The following CABLES1 variants were observed in gnomAD, a reference collection of about 807,000 sequenced individuals.
CABLES1 encodes Cdk5 and Abl enzyme substrate 1.
CABLES1 carries 36 observed loss-of-function variants against 57.8 expected under a neutral mutation model. The ratio of observed to expected loss-of-function variants is 0.62; its 90% CI spans 0.48 to 0.82. The LOEUF (loss-of-function observed/expected upper bound fraction) is 0.82, where lower values mean the gene tolerates loss of function less well. Ranked by LOEUF, CABLES1 falls within the 40% of genes least tolerant of loss-of-function variation. The pLI is 0.00. For missense variants in CABLES1, 767 were observed against 836.6 expected (o/e 0.92, Z 1.03); for synonymous variants, 374 against 363.0 (o/e 1.03, Z -0.35).
chr18:23,240,831 GATGCCT>G (rs746408422), intron 7 of CABLES1, among the ~76,000 whole-genome samples: 3 of 152,228 alleles, frequency 2.0e-5, no homozygotes, highest in Non-Finnish European at 4.4e-5. Flanking sequence ...CAGACTCTGA[GATGCCT>G]CTGCTGAATG....
intron 4 of CABLES1, among the ~76,000 whole-genome samples, chr18:23,222,227 C>T (rs1420021949): frequency 6.6e-6 from 1 of 152,196 alleles, no homozygotes; most frequent in Non-Finnish European, 1.5e-5. Context: ...ATCAGGCTCT[C>T]CTCACCTTTG....
intron 1 of CABLES1, among the ~76,000 whole-genome samples, chr18:23,139,976 T>C (rs1389148780): frequency 6.6e-6 from 1 of 152,214 alleles, no homozygotes; most frequent in African/African-American, 2.4e-5. Flanking sequence ...TTGCATCCCC[T>C]AGCTTTGCTA....
At chr18:23,252,636 T>C (rs183767554) in intron 7 of CABLES1, among the ~76,000 whole-genome samples, 1 of 152,286 alleles carries the variant, frequency 6.6e-6, no homozygotes, top group Admixed American at 6.5e-5. Context: ...CCCACGCGCT[T>C]AAGCCCCATA....
chr18:23,201,812 A>T (rs1465916622), intron 3 of CABLES1, among the ~76,000 whole-genome samples: 8 of 152,352 alleles, frequency 5.3e-5, no homozygotes, highest in East Asian at 3.9e-4. Context: ...ATAATGTGCC[A>T]TGGAGAGAGA....
At chr18:23,185,556 C>G (rs1300127832) in intron 1 of CABLES1, among the ~76,000 whole-genome samples, 1 of 152,092 alleles carries the variant, frequency 6.6e-6, no homozygotes, top group East Asian at 1.9e-4. Flanking sequence ...TCTGCCAGAG[C>G]CTGGGCAGCA....
At chr18:23,185,395 C>T (rs530221072) in intron 1 of CABLES1, among the ~76,000 whole-genome samples, 37 of 152,272 alleles carry the variant, frequency 2.4e-4, no homozygotes, top group Admixed American at 1.9e-3. Flanking sequence ...TCCTGGTGGC[C>T]GTCCCATGGA....
intron 7 of CABLES1, among the ~76,000 whole-genome samples, chr18:23,238,378 T>C (rs1598850093): frequency 6.6e-6 from 1 of 152,258 alleles, no homozygotes; most frequent in Non-Finnish European, 1.5e-5. Context: ...CATTTTCGTA[T>C]GCCACACGGC....
At chr18:23,230,995 G>A (rs1485440255) in intron 4 of CABLES1, among the ~76,000 whole-genome samples, 5 of 151,840 alleles carry the variant, frequency 3.3e-5, no homozygotes, top group Admixed American at 1.3e-4. Flanking sequence ...ATGGTGCAAG[G>A]CATGGGTCCC....
intron 3 of CABLES1, among the ~76,000 whole-genome samples, chr18:23,205,735 A>G (rs1319632764): frequency 4.6e-5 from 7 of 152,162 alleles, no homozygotes; most frequent in Non-Finnish European, 8.8e-5. Context: ...GCTCACATCT[A>G]TAGTCCCAGC....
At chr18:23,190,379 G>A (rs1448836924) in intron 2 of CABLES1, 2 of 152,212 alleles carry the variant, frequency 1.3e-5, no homozygotes, top group South Asian at 2.1e-4. Flanking sequence ...TTGGAACAAC[G>A]TGGCCACTGT....
At chr18:23,171,332 G>A (rs551204575) in intron 1 of CABLES1, among the ~76,000 whole-genome samples, 1 of 152,322 alleles carries the variant, frequency 6.6e-6, no homozygotes, top group Admixed American at 6.5e-5. Context: ...GGATTCCACG[G>A]TGCCTTGTAG....
intron 7 of CABLES1, among the ~76,000 whole-genome samples, chr18:23,240,368 A>G (rs940683040): frequency 2.6e-5 from 4 of 152,116 alleles, no homozygotes; most frequent in Non-Finnish European, 4.4e-5. Flanking sequence ...CTACACACAC[A>G]CAGGCAGGAG....
chr18:23,186,487 T>G (rs1012671183), intron 1 of CABLES1, among the ~76,000 whole-genome samples: 1 of 151,650 alleles, frequency 6.6e-6, no homozygotes, highest in Non-Finnish European at 1.5e-5. Flanking sequence ...GTGCAGTGGC[T>G]TGATCTCGGC....
intron 1 of CABLES1, among the ~76,000 whole-genome samples, chr18:23,184,308 C>CATGTGT (rs1384619411): frequency 5.9e-4 from 87 of 146,324 alleles, no homozygotes; most frequent in Middle Eastern, 3.3e-3. Context: ...CATACTGGCA[C>CATGTGT]GTGTGTGTGT....
rs372087098 is a variant in CABLES1 at position 23,253,834 on chromosome 18, A to T, written c.1659A>T (p.Lys553Asn). ...TTGAAAAGCTCGCCCTCAAGGGGAA[A>T]CTCAACAAACAGAACCGGAAGCTGT... ...VYFEKLALKG[K>N]LNKQNRKLCA... is the part of the protein sequence containing the mutation. The change falls in exon 9 of 10, where the codon AAA becomes AAT. Residue 553 changes from lysine (K) to asparagine (N), a missense_variant. By Grantham distance (94) the Lys-to-Asn change is moderately conservative. Coordinates refer to ENST00000256925, the MANE Select transcript of CABLES1 (RefSeq NM_001100619.3). 4 of 1,614,240 alleles carry T rather than the reference A, an allele frequency of 2.5e-6. No homozygotes were observed. In the Middle Eastern group the frequency reaches 4.9e-4, roughly 200 times the overall value.
intron 1 of CABLES1, among the ~76,000 whole-genome samples, chr18:23,170,791 TTTG>T (rs906743850): frequency 4.8e-4 from 73 of 152,238 alleles, no homozygotes; most frequent in African/African-American, 1.7e-3. Flanking sequence ...GGGTTGTTTT[TTTG>T]TTGTTTTTGT....
rs561870811 is a variant in CABLES1 at position 23,249,254 on chromosome 18, C to T, written c.1447-3706C>T. Among the ~76,000 whole-genome samples the T allele has an allele frequency of 4.1e-4, 62 of 152,338 alleles. 1 individual carries two copies. Among genetic ancestry groups the T allele is most frequent in the South Asian group, 2.3e-3 (11 of 4,832 alleles). ...GGAGTCAGGGAAGTGTAACTGTTAG[C>T]TTTCCAGCCTCCGTAGCACAACAGG... On this transcript the variant is annotated intron_variant, in intron 7 of 9. Transcript: ENST00000256925.
rs1471828071 is a variant in CABLES1, at chr18:23,259,138, A to G, written c.*1771A>G. 6.6e-6 allele frequency: 1 copy of G among 152,268 alleles called. No homozygotes were observed. The highest frequency in any genetic ancestry group is 2.4e-5 in the African/African-American group (1 of 41,460). 9.4% of individuals were successfully genotyped at this position (152,268 alleles called of 1,614,324 possible). A position where few individuals can be genotyped will look rare whatever the true frequency, so the allele number is the denominator to read the frequency against. ...TCAAGGTGCCTCCATCGCCTGAACT[A>G]CAAAATGCCCTTGGCCTTCCTCACA... On this transcript the variant is annotated 3_prime_UTR_variant, in exon 10 of 10. Transcript: ENST00000256925.
chr18:23,217,775 C>T (rs906542934), intron 4 of CABLES1, among the ~76,000 whole-genome samples: 2 of 152,250 alleles, frequency 1.3e-5, no homozygotes, highest in Admixed American at 1.3e-4. Context: ...TAATGCCTTT[C>T]CACAGTGGAA....
Sources: gnomAD v4.1 joint callset for allele counts (sites outside exome capture counted in the v4.1 genomes callset) on GRCh38, gnomAD v4.1.1 for gene constraint, MANE v1.5 for transcripts, NCBI Gene and HGNC (gene_info 2026-07-23, HGNC 2026-07-21) for gene names.